The following MAN2A1 variants were observed in gnomAD, a reference collection of about 807,000 sequenced individuals.
MAN2A1 encodes the protein alpha-mannosidase 2.
In MAN2A1, 76 loss-of-function variants were observed where a neutral mutation model predicts 142.6. The ratio of observed to expected loss-of-function variants is 0.53; its 90% confidence interval spans 0.44 to 0.65. The LOEUF (loss-of-function observed/expected upper bound fraction) is 0.65, where lower values mean the gene tolerates loss of function less well. MAN2A1 is among the 30% of genes least tolerant of loss of function. The pLI is 0.00. For synonymous variants in MAN2A1, 559 were observed against 473.2 expected (o/e 1.18, Z -2.35); for missense variants, 1,311 against 1,365.1 (o/e 0.96, Z 0.62).
intron 10 of MAN2A1, among the ~76,000 whole-genome samples, chr5:109,786,370 C>T (rs1293696968): frequency 6.6e-6 from 1 of 152,012 alleles, no homozygotes; most frequent in Non-Finnish European, 1.5e-5. Context: ...TCCTACACCG[C>T]CCACTTGCTA....
intron 16 of MAN2A1, among the ~76,000 whole-genome samples, chr5:109,829,874 G>A (rs556943862): frequency 4.6e-5 from 7 of 152,210 alleles, no homozygotes; most frequent in South Asian, 2.1e-4. Context: ...TGTAGTCTTC[G>A]TCTTCTACAT....
At chr5:109,836,506 T>C (rs1371455608) in intron 16 of MAN2A1, among the ~76,000 whole-genome samples, 1 of 152,140 alleles carries the variant, frequency 6.6e-6, no homozygotes, top group Non-Finnish European at 1.5e-5. Flanking sequence ...GTGATGCCTT[T>C]TGTTTTCTGT....
intron 15 of MAN2A1, among the ~76,000 whole-genome samples, chr5:109,822,542 C>T (rs1754653724): frequency 6.6e-6 from 1 of 152,126 alleles, no homozygotes; most frequent in South Asian, 2.1e-4. Context: ...CCCAGGTTCT[C>T]ATCCCCTCCC....
chr5:109,728,812 A>G (rs1010188096), intron 3 of MAN2A1, among the ~76,000 whole-genome samples: 11 of 152,128 alleles, frequency 7.2e-5, no homozygotes, highest in African/African-American at 2.7e-4. Context: ...CAGTGTTCAT[A>G]TTTATGGTGT....
chr5:109,791,844 A>G (rs1187394069), intron 12 of MAN2A1, among the ~76,000 whole-genome samples: 2 of 152,118 alleles, frequency 1.3e-5, no homozygotes, highest in African/African-American at 4.8e-5. Context: ...ACTTAAACCC[A>G]TAGAATATAA....
intron 19 of MAN2A1, among the ~76,000 whole-genome samples, chr5:109,849,802 T>C (rs985585073): frequency 7.9e-5 from 12 of 152,124 alleles, no homozygotes; most frequent in African/African-American, 2.9e-4. Flanking sequence ...AGTCAAAATT[T>C]CTTACCACGG....
chr5:109,721,684 G>C (rs1751607982), intron 3 of MAN2A1, among the ~76,000 whole-genome samples: 1 of 152,156 alleles, frequency 6.6e-6, no homozygotes, highest in Admixed American at 6.6e-5. Context: ...CTGTTTTAGA[G>C]GAAGAATAGA....
intron 6 of MAN2A1, among the ~76,000 whole-genome samples, chr5:109,769,569 CT>C (rs1753085451): frequency 1.3e-5 from 2 of 152,284 alleles, no homozygotes; most frequent in South Asian, 2.1e-4. Flanking sequence ...GTCCTCCAGT[CT>C]CACTTGTTGG....
intron 4 of MAN2A1, among the ~76,000 whole-genome samples, chr5:109,738,317 G>A (rs572605546): frequency 6.8e-6 from 1 of 147,580 alleles, no homozygotes; most frequent in East Asian, 2.0e-4. Flanking sequence ...GACACTTCCC[G>A]AACGTCTACT....
intron 12 of MAN2A1, among the ~76,000 whole-genome samples, chr5:109,797,377 G>C (rs1241754692): frequency 1.3e-5 from 2 of 152,086 alleles, no homozygotes; most frequent in African/African-American, 4.8e-5. Context: ...AAAATATTTG[G>C]AAGAGGAGAG....
chr5:109,792,635 C>T (rs1479582633), intron 12 of MAN2A1, among the ~76,000 whole-genome samples: 1 of 151,934 alleles, frequency 6.6e-6, no homozygotes, highest in East Asian at 1.9e-4. Context: ...ATTATATTTC[C>T]CACGTTTTTG....
intron 16 of MAN2A1, among the ~76,000 whole-genome samples, chr5:109,833,015 C>T (rs1054888049): frequency 4.6e-5 from 7 of 151,394 alleles, no homozygotes; most frequent in Non-Finnish European, 7.4e-5. Flanking sequence ...GGCAGAGGCG[C>T]TCCTCACATC....
chr5:109,820,384 T>A, intron 15 of MAN2A1, 42 bp downstream of exon 15: 1 of 1,559,456 alleles, frequency 6.4e-7, no homozygotes, highest in Non-Finnish European at 8.7e-7. Context: ...TAAACACTTA[T>A]TGAAAGAGTA....
chr5:109,712,718 C>T (rs982395096), intron 1 of MAN2A1, among the ~76,000 whole-genome samples: 5 of 152,104 alleles, frequency 3.3e-5, no homozygotes, highest in African/African-American at 4.8e-5. Context: ...GCATACATGC[C>T]TGACACAGTG....
intron 8 of MAN2A1, among the ~76,000 whole-genome samples, chr5:109,779,511 A>G (rs1753387863): frequency 1.3e-5 from 2 of 151,996 alleles, no homozygotes; most frequent in African/African-American, 2.4e-5. Context: ...AGTTAATGCC[A>G]TATTTCCTTC....
intron 12 of MAN2A1, among the ~76,000 whole-genome samples, chr5:109,792,164 C>G (rs1048538522): frequency 6.6e-6 from 1 of 152,002 alleles, no homozygotes; most frequent in South Asian, 2.1e-4. Context: ...AATTTAAGTT[C>G]CTCTGATTTT....
At chr5:109,850,930 A>T (rs1476859463) in intron 19 of MAN2A1, among the ~76,000 whole-genome samples, 1 of 152,248 alleles carries the variant, frequency 6.6e-6, no homozygotes, top group Non-Finnish European at 1.5e-5. Context: ...TAGTGAAAAT[A>T]ATTAAAAAGA....
chr5:109,731,505 T>G (rs1582833755), intron 4 of MAN2A1, among the ~76,000 whole-genome samples: 1 of 82,208 alleles, frequency 1.2e-5, no homozygotes, highest in Non-Finnish European at 2.3e-5. Context: ...ATGCTATCCC[T>G]CCCCCCTCCC....
intron 4 of MAN2A1, among the ~76,000 whole-genome samples, chr5:109,738,791 A>G (rs1202136672): frequency 2.0e-5 from 3 of 152,112 alleles, no homozygotes; most frequent in Non-Finnish European, 4.4e-5. Flanking sequence ...TTTCTCCTGG[A>G]TACCATATGT....
Sources: allele counts gnomAD v4.1 joint callset (sites outside exome capture counted in the v4.1 genomes callset), GRCh38; gene constraint gnomAD v4.1.1; transcripts MANE v1.5; gene names NCBI Gene and HGNC (gene_info 2026-07-23, HGNC 2026-07-21).